Variants in CAPZA2 observed in about 807,000 individuals in gnomAD.
CAPZA2 encodes capping actin protein of muscle Z-line subunit alpha 2.
Under a neutral mutation model 44.0 loss-of-function variants are expected in CAPZA2, and 13 were observed. The ratio of observed to expected loss-of-function variants is 0.30; its 90% CI spans 0.19 to 0.47. CAPZA2 has a LOEUF of 0.47. Among genes scored for constraint, CAPZA2 ranks in the 20% least tolerant of loss-of-function variants. The pLI is 1.00. For missense variants in CAPZA2, 244 were observed against 338.6 expected, an observed-to-expected ratio of 0.72 and a Z score of 2.19; for synonymous variants, 94 against 108.2, an observed-to-expected ratio of 0.87 and a Z score of 0.81.
Position 116,917,608 on chromosome 7 carries a change from C to A in CAPZA2, c.721-119C>A, listed in dbSNP as rs1410872364. On this transcript the variant is annotated intron_variant, in intron 9 of 9. Transcript: ENST00000361183. ...AAAACAATGTTGGGATTTTATTTGA[C>A]TGTTTAAAAACAGTGAAACAGGCTG... The A allele has an allele frequency of 8.0e-6, 6 of 754,644 alleles. No individual in the cohort carries two copies. In the East Asian group the frequency reaches 1.2e-4, roughly 16 times the overall value. The allele number at this position is 754,644 out of a possible 1,614,324, so 46.7% of individuals were successfully genotyped here. A position where few individuals can be genotyped will look rare whatever the true frequency, so the allele number is the denominator to read the frequency against.
chr7:116,872,004 T>C lies in CAPZA2; in HGVS notation c.39+9354T>C, dbSNP rs984094290. 3.3e-5 allele frequency among the ~76,000 whole-genome samples: 5 copies of C among 151,988 alleles called. No homozygotes were observed. The East Asian group carries it at 9.6e-4, about 29-fold the overall frequency. On this transcript the variant is annotated intron_variant, in intron 1 of 9. Transcript: ENST00000361183. ...AATTCCTTTTTGTTGTTGTTGTTGT[T>C]GTTGTTTTAAAGCTTCCCAGGTGAT...
At chr7:116,898,878 G>C in intron 4 of CAPZA2, 43 bp downstream of exon 4, 1 of 1,182,572 alleles carries the variant, frequency 8.5e-7, no homozygotes, top group Non-Finnish European at 1.2e-6. Context: ...GTTTATAACC[G>C]TTAAGGTATC....
Position 116,917,750 on chromosome 7 carries a change from G to GACA in CAPZA2, c.746_748dup (p.Thr249dup). 6 of 1,608,126 alleles carry GACA rather than the reference G, an allele frequency of 3.7e-6. No individual in the cohort carries two copies. The highest frequency in any genetic ancestry group is 5.1e-6 in the Non-Finnish European group (6 of 1,174,596). Reference sequence around the variant, plus strand: ...AGACTGCCATCAGTGAGAATTATCAGACAATGTCGGACACTACTTTCAAAG... The same window carrying GACA: ...AGACTGCCATCAGTGAGAATTATCAGACAACAATGTCGGACACTACTTTCAAAG... On this transcript the variant is annotated inframe_insertion, in exon 10 of 10. Coordinates refer to ENST00000361183, the MANE Select transcript of CAPZA2 (RefSeq NM_006136.3).
At chr7:116,914,108 A>G (rs1210429309) in intron 8 of CAPZA2, among the ~76,000 whole-genome samples, 1 of 150,384 alleles carries the variant, frequency 6.6e-6, no homozygotes, top group Non-Finnish European at 1.5e-5. Context: ...GCTCACTGCA[A>G]GCTCCGCCTC....
At chr7:116,874,038 G>C (rs1398751534) in intron 1 of CAPZA2, 1 of 152,732 alleles carries the variant, frequency 6.5e-6, no homozygotes, top group Non-Finnish European at 1.5e-5. Context: ...CATATTCCAA[G>C]TATCATAGGC....
At chr7:116,901,979 C>G (rs955300829) in intron 4 of CAPZA2, among the ~76,000 whole-genome samples, 1 of 150,822 alleles carries the variant, frequency 6.6e-6, no homozygotes, top group Non-Finnish European at 1.5e-5. Context: ...GGAGAATTGC[C>G]TTACCAGATA....
At chr7:116,888,589 C>T (rs1585006919) in intron 2 of CAPZA2, 1 of 153,566 alleles carries the variant, frequency 6.5e-6, no homozygotes, top group African/African-American at 2.4e-5. Flanking sequence ...TCCTGTAATA[C>T]CAGCACTTTG....
intron 1 of CAPZA2, among the ~76,000 whole-genome samples, chr7:116,886,879 G>A (rs540126594): frequency 2.0e-5 from 3 of 152,170 alleles, no homozygotes; most frequent in Admixed American, 6.5e-5. Context: ...TATTATGTTG[G>A]GCACATCATC....
Position 116,890,601 on chromosome 7 carries a change from CACACACACACACAT to C in CAPZA2, c.104-2391_104-2378del, listed in dbSNP as rs1366916645. ...ATATATATATATATATATATATACA[CACACACACACACAT>C]ATATACAAAAATTAGCAGGGTGTGG... is the stretch of plus-strand genomic sequence containing the variant. On this transcript the variant is annotated intron_variant, in intron 2 of 9. Coordinates refer to ENST00000361183, the MANE Select transcript of CAPZA2 (RefSeq NM_006136.3). Among the ~76,000 whole-genome samples the C allele has an allele frequency of 3.1e-3, 196 of 62,696 alleles. 1 individual carries two copies. The highest frequency in any genetic ancestry group is 0.02 in the Middle Eastern group (2 of 98). 41.1% of individuals were successfully genotyped at this position (62,696 alleles called of 152,430 possible).
chr7:116,921,709 T>C lies in CAPZA2; in HGVS notation c.*3842T>C, dbSNP rs1791772717. On this transcript the variant is annotated 3_prime_UTR_variant, in exon 10 of 10. Coordinates refer to ENST00000361183, the MANE Select transcript of CAPZA2 (RefSeq NM_006136.3). ...AAAAAGAAAAAGGAAATGTAAGAAGTGGTGATTGGAGAATGGTGTGCTTAA... is the reference window on the plus strand; with the variant it reads ...AAAAAGAAAAAGGAAATGTAAGAAGCGGTGATTGGAGAATGGTGTGCTTAA... The C allele has an allele frequency of 6.6e-6, 1 of 151,848 alleles. No homozygotes were observed. The highest frequency in any genetic ancestry group is 2.4e-5 in the African/African-American group (1 of 41,294). The allele number at this position is 151,848 out of a possible 1,614,324, so 9.4% of individuals were successfully genotyped here.
At chr7:116,901,880 A>AGTGTGT (rs1585011741) in intron 4 of CAPZA2, among the ~76,000 whole-genome samples, 1 of 69,578 alleles carries the variant, frequency 1.4e-5, no homozygotes, top group Admixed American at 1.4e-4. Flanking sequence ...ATAACGAAGA[A>AGTGTGT]ATGTGTGTGT....
intron 1 of CAPZA2, among the ~76,000 whole-genome samples, chr7:116,886,506 A>G (rs936865274): frequency 1.3e-5 from 2 of 152,166 alleles, no homozygotes; most frequent in African/African-American, 4.8e-5. Context: ...ACACACAGCC[A>G]TTTCCTTTTC....
chr7:116,893,193 C>T (rs1028148635), intron 3 of CAPZA2, 148 bp downstream of exon 3: 13 of 465,986 alleles, frequency 2.8e-5, no homozygotes, highest in East Asian at 1.4e-4. Context: ...TTCAGTGGTG[C>T]GATCTCGGCT....
At chr7:116,915,283 A>G (rs961634934) in intron 8 of CAPZA2, among the ~76,000 whole-genome samples, 4 of 151,802 alleles carry the variant, frequency 2.6e-5, no homozygotes, top group Admixed American at 2.0e-4. Context: ...AGCCTGTGCT[A>G]CAGGCTGAGA....
chr7:116,916,121 A>T lies in CAPZA2; in HGVS notation c.719A>T (p.Gln240Leu). ...KIVEAAENEY[Q>L]TAISENYQTM... is the part of the protein sequence containing the mutation. ...GTAGAAGCTGCAGAAAATGAATACC[A>T]GGTATGATTTTTTAAATATTATATA... The change falls in exon 9 of 10, where the codon CAG becomes CTG. Residue 240 changes from glutamine to leucine, a missense_variant and splice_region_variant. By Grantham distance (113) the Gln-to-Leu change is moderately radical. Transcript: ENST00000361183. 1 of 1,536,116 alleles carries T rather than the reference A, an allele frequency of 6.5e-7. No homozygotes were observed. The highest frequency in any genetic ancestry group is 8.7e-7 in the Non-Finnish European group (1 of 1,147,674).
At chr7:116,908,367 CTCT>C (rs1791544407) in intron 6 of CAPZA2, among the ~76,000 whole-genome samples, 1 of 152,310 alleles carries the variant, frequency 6.6e-6, no homozygotes, top group Middle Eastern at 3.4e-3. Context: ...TAGAGACCTT[CTCT>C]TCTTTGTCTC....
At chr7:116,881,556 G>A (rs982659962) in intron 1 of CAPZA2, among the ~76,000 whole-genome samples, 14 of 151,860 alleles carry the variant, frequency 9.2e-5, no homozygotes, top group Non-Finnish European at 1.6e-4. Flanking sequence ...TGGCTAACAC[G>A]GTGAAACCCC....
At chr7:116,916,550 T>C (rs1787228379) in intron 9 of CAPZA2, among the ~76,000 whole-genome samples, 1 of 151,916 alleles carries the variant, frequency 6.6e-6, no homozygotes, top group African/African-American at 2.4e-5. Flanking sequence ...CGCTTGAACC[T>C]GAGAGGCAGA....
intron 4 of CAPZA2, among the ~76,000 whole-genome samples, chr7:116,902,156 C>T (rs1437260976): frequency 6.6e-6 from 1 of 151,934 alleles, no homozygotes; most frequent in East Asian, 1.9e-4. Flanking sequence ...TAAGTTGGAC[C>T]TCTGTCACAT....
Sources: gnomAD v4.1 joint callset for allele counts (sites outside exome capture counted in the v4.1 genomes callset) on GRCh38, gnomAD v4.1.1 for gene constraint, MANE v1.5 for transcripts, NCBI Gene and HGNC (gene_info 2026-07-23, HGNC 2026-07-21) for gene names.